EPB41L4A: variants seen among roughly 807,000 people sequenced by gnomAD.
The protein encoded by EPB41L4A is erythrocyte membrane protein band 4.1 like 4A.
A neutral mutation model predicts 108.6 loss-of-function variants in EPB41L4A; 100 were observed. The ratio of observed to expected loss-of-function variants is 0.92; its 90% CI spans 0.78 to 1.09. The LOEUF (loss-of-function observed/expected upper bound fraction) is 1.09. Among genes scored for constraint, EPB41L4A ranks in the 50% least tolerant of loss-of-function variants. The probability of loss-of-function intolerance (pLI) is 0.00; values close to 1 mark genes in which losing one functional copy is unlikely to be tolerated. For synonymous variants in EPB41L4A, 319 were observed against 289.0 expected, an observed-to-expected ratio of 1.10 and a Z score of -1.05; for missense variants, 1,030 against 842.7, an observed-to-expected ratio of 1.22 and a Z score of -2.75.
rs986574281 is a variant in EPB41L4A, at chr5:112,287,950, T to C, written c.205-7627A>G. ...ATAAGCTAAAAAGAAAGAAGAACTA[T>C]TAAAATATAAAGGAGCCAGGACTTT... On this transcript the variant is annotated intron_variant, in intron 2 of 22. Transcript: ENST00000261486. 2.0e-5 allele frequency among the ~76,000 whole-genome samples: 3 copies of C among 152,308 alleles called. No individual in the cohort carries two copies. The South Asian group carries it at 6.2e-4, about 32-fold the overall frequency.
intron 15 of EPB41L4A, among the ~76,000 whole-genome samples, chr5:112,203,690 CTTTAAGTGTAG>C (rs1254987904): frequency 2.0e-5 from 3 of 152,138 alleles, no homozygotes; most frequent in Non-Finnish European, 4.4e-5. Context: ...AAAGGCTTAT[CTTTAAGTGTAG>C]TTTTGTCTTC....
chr5:112,327,572 C>G (rs1299637527), intron 1 of EPB41L4A, among the ~76,000 whole-genome samples: 1 of 152,024 alleles, frequency 6.6e-6, no homozygotes, highest in African/African-American at 2.4e-5. Flanking sequence ...AAAAATTAGC[C>G]AGGTATGGTG....
chr5:112,194,712 G>T, intron 16 of EPB41L4A, 67 bp from the exon 17 acceptor site: 2 of 952,148 alleles, frequency 2.1e-6, no homozygotes, highest in Non-Finnish European at 1.6e-6. Context: ...ATTTCAGAAA[G>T]GTTTATATGG....
At chr5:112,342,993 T>C (rs1561588704) in intron 1 of EPB41L4A, among the ~76,000 whole-genome samples, 1 of 152,160 alleles carries the variant, frequency 6.6e-6, no homozygotes, top group Admixed American at 6.5e-5. Flanking sequence ...TGACTTTAAA[T>C]GAAAAGTGTC....
Position 112,157,192 on chromosome 5 carries a change from G to C in EPB41L4A, n.994+1209C>G, listed in dbSNP as rs147767186. ...GATCTATGATGATGGTGGCATGGTA[G>C]ATCTGTGTAGAAAGGATGGGCTATT... On this transcript the variant is annotated intron_variant and non_coding_transcript_variant, in intron 12 of 13. Coordinates refer to the EPB41L4A transcript ENST00000507810. Among the ~76,000 whole-genome samples, 647 of 151,766 alleles carry C rather than the reference G, an allele frequency of 4.3e-3. 18 individuals are homozygous for C. The highest frequency in any genetic ancestry group is 0.038 in the Admixed American group (583 of 15,266).
At chr5:112,302,279 G>C (rs929111452) in intron 2 of EPB41L4A, among the ~76,000 whole-genome samples, 1 of 152,142 alleles carries the variant, frequency 6.6e-6, no homozygotes, top group African/African-American at 2.4e-5. Flanking sequence ...GCTGAGGCAG[G>C]AGGATCACTA....
chr5:112,216,337 A>G (rs1045096783), intron 12 of EPB41L4A, among the ~76,000 whole-genome samples: 3 of 152,228 alleles, frequency 2.0e-5, no homozygotes, highest in African/African-American at 7.2e-5. Flanking sequence ...ACACCTGTCA[A>G]CATAAATCAA....
intron 1 of EPB41L4A, among the ~76,000 whole-genome samples, chr5:112,316,371 T>G (rs1267242240): frequency 6.6e-6 from 1 of 152,214 alleles, no homozygotes; most frequent in Non-Finnish European, 1.5e-5. Context: ...CACAATACAT[T>G]CCTAGTTCTC....
At chr5:112,191,734 C>T (rs1165936398) in intron 17 of EPB41L4A, among the ~76,000 whole-genome samples, 1 of 151,004 alleles carries the variant, frequency 6.6e-6, no homozygotes, top group Non-Finnish European at 1.5e-5. Flanking sequence ...TCCCAAAGAC[C>T]ACATGCAACT....
At chr5:112,382,366 C>T (rs1388200008) in intron 1 of EPB41L4A, among the ~76,000 whole-genome samples, 1 of 152,124 alleles carries the variant, frequency 6.6e-6, no homozygotes, top group Admixed American at 6.5e-5. Flanking sequence ...AGCAAACCTG[C>T]TGTTATTTGA....
intron 1 of EPB41L4A, among the ~76,000 whole-genome samples, chr5:112,347,562 C>T (rs1757762456): frequency 6.6e-6 from 1 of 152,158 alleles, no homozygotes; most frequent in Non-Finnish European, 1.5e-5. Flanking sequence ...CACACGGTTG[C>T]TGAGTTTGTA....
At chr5:112,348,955 A>T (rs1444879247) in intron 1 of EPB41L4A, among the ~76,000 whole-genome samples, 1 of 152,190 alleles carries the variant, frequency 6.6e-6, no homozygotes, top group Non-Finnish European at 1.5e-5. Context: ...CTCTGGGGAG[A>T]CAATGTACAG....
intron 12 of EPB41L4A, among the ~76,000 whole-genome samples, chr5:112,212,798 A>G (rs1747300712): frequency 6.6e-6 from 1 of 152,114 alleles, no homozygotes; most frequent in African/African-American, 2.4e-5. Context: ...AGTAAAGGTG[A>G]ACATCCTGTT....
chr5:112,404,016 C>A lies in EPB41L4A; in HGVS notation c.99+14925G>T, dbSNP rs1360034343. Among the ~76,000 whole-genome samples, 8 of 152,186 alleles carry A rather than the reference C, an allele frequency of 5.3e-5. No individual in the cohort carries two copies. In the South Asian group the frequency reaches 1.4e-3, roughly 28 times the overall value. ...GTTGTTTTCAAAGTAAGCTCTGTTC[C>A]ATGCAATAAATCAGTTTTCTAATCG... On this transcript the variant is annotated intron_variant, in intron 1 of 22. Coordinates refer to ENST00000261486, the MANE Select transcript of EPB41L4A (RefSeq NM_022140.5).
intron 1 of EPB41L4A, among the ~76,000 whole-genome samples, chr5:112,394,330 T>C (rs1015719104): frequency 6.6e-6 from 1 of 152,150 alleles, no homozygotes; most frequent in Non-Finnish European, 1.5e-5. Context: ...TGATTGTATA[T>C]TTAGAAAACA....
chr5:112,332,355 G>C (rs1483191142), intron 1 of EPB41L4A, among the ~76,000 whole-genome samples: 1 of 152,212 alleles, frequency 6.6e-6, no homozygotes, highest in East Asian at 1.9e-4. Context: ...TATTTGGCTT[G>C]GGGACCACCC....
chr5:112,344,765 C>A (rs946942499), intron 1 of EPB41L4A, among the ~76,000 whole-genome samples: 1 of 152,164 alleles, frequency 6.6e-6, no homozygotes, highest in African/African-American at 2.4e-5. Context: ...GTCAGACTCA[C>A]TGGCAAGCCC....
chr5:112,402,133 G>A (rs1336147816), intron 1 of EPB41L4A, among the ~76,000 whole-genome samples: 1 of 152,148 alleles, frequency 6.6e-6, no homozygotes, highest in Admixed American at 6.5e-5. Flanking sequence ...GATCTTGGCG[G>A]CAAATTTCTC....
In EPB41L4A at chr5:112,168,734, C is replaced by T; in HGVS notation, c.1932+5G>A. The T allele has an allele frequency of 6.2e-7, 1 of 1,610,208 alleles. No individual in the cohort carries two copies. Among genetic ancestry groups the T allele is most frequent in the Non-Finnish European group, 8.5e-7 (1 of 1,176,496 alleles). ...ACACCTTCTTCAAACCTTACTATTA[C>T]TAACCTGATGAACTGTAGCATCCCC... On this transcript the variant is annotated splice_donor_5th_base_variant and intron_variant, in intron 22 of 22. Coordinates refer to ENST00000261486, the MANE Select transcript of EPB41L4A (RefSeq NM_022140.5).
Sources: allele counts gnomAD v4.1 joint callset (sites outside exome capture counted in the v4.1 genomes callset), GRCh38; gene constraint gnomAD v4.1.1; transcripts MANE v1.5; gene names NCBI Gene and HGNC (gene_info 2026-07-23, HGNC 2026-07-21).